Variants in KLRF1 observed in about 807,000 individuals in gnomAD.
KLRF1 encodes the protein killer cell lectin like receptor F1.
A neutral mutation model predicts 30.7 loss-of-function variants in KLRF1; 27 were observed. That is an observed-to-expected ratio of 0.88 (90% CI 0.65 to 1.21). KLRF1 has a LOEUF of 1.21. Among genes scored for constraint, KLRF1 ranks in the 50% most tolerant of loss-of-function variants. The pLI is 0.00. For missense variants in KLRF1, 246 were observed against 259.3 expected (o/e 0.95, Z 0.35); for synonymous variants, 92 against 89.3 (o/e 1.03, Z -0.17).
At chr12:9,838,804 C>A (rs1425443493) in intron 3 of KLRF1, among the ~76,000 whole-genome samples, 1 of 152,110 alleles carries the variant, frequency 6.6e-6, no homozygotes, top group Non-Finnish European at 1.5e-5. Context: ...TGGATAATTG[C>A]TTTAATGAAT....
At chr12:9,843,160 G>A (rs1392061049) in intron 5 of KLRF1, among the ~76,000 whole-genome samples, 1 of 152,152 alleles carries the variant, frequency 6.6e-6, no homozygotes, top group Non-Finnish European at 1.5e-5. Flanking sequence ...CAGAATTAGA[G>A]TCATATTGGG....
chr12:9,839,205 G>A (rs1357775145), intron 3 of KLRF1, among the ~76,000 whole-genome samples: 1 of 152,068 alleles, frequency 6.6e-6, no homozygotes. Flanking sequence ...CTCTGTTGCA[G>A]ACTGCCAGCT....
upstream of KLRF1, among the ~76,000 whole-genome samples, chr12:9,825,080 A>T (rs1294836554): frequency 1.3e-5 from 2 of 152,160 alleles, no homozygotes; most frequent in Non-Finnish European, 2.9e-5. Flanking sequence ...TTCCTATCAT[A>T]CTACCAATGA....
chr12:9,844,269 A>G, intron 5 of KLRF1, 149 bp from the exon 6 acceptor site: 2 of 512,660 alleles, frequency 3.9e-6, no homozygotes, highest in South Asian at 4.5e-5. Context: ...GCTAAGTTAC[A>G]GTTACTGTAA....
chr12:9,819,519 A>G, the KLRF1 span, among the ~76,000 whole-genome samples: 2 of 152,190 alleles, frequency 1.3e-5, no homozygotes, highest in Admixed American at 6.5e-5. Context: ...CAGCTGCTCT[A>G]CAGGGAGGCT....
At chr12:9,842,532 C>A in intron 5 of KLRF1, 99 bp downstream of exon 5, 2 of 992,024 alleles carry the variant, frequency 2.0e-6, no homozygotes, top group East Asian at 2.6e-5. Context: ...ACTGGTACTA[C>A]AGAATTCAAA....
At chr12:9,803,616 T>G in the KLRF1 span, among the ~76,000 whole-genome samples, 2 of 152,062 alleles carry the variant, frequency 1.3e-5, no homozygotes, top group Non-Finnish European at 2.9e-5. Flanking sequence ...ACAAATTCTG[T>G]CTGTTTTTAT....
At chr12:9,843,611 C>T (rs1337925589) in intron 5 of KLRF1, among the ~76,000 whole-genome samples, 1 of 152,022 alleles carries the variant, frequency 6.6e-6, no homozygotes, top group East Asian at 1.9e-4. Context: ...ATGAAGTTGC[C>T]CAACTTGGTT....
intron 1 of KLRF1, among the ~76,000 whole-genome samples, chr12:9,830,288 G>A (rs746969528): frequency 6.6e-6 from 1 of 151,874 alleles, no homozygotes; most frequent in East Asian, 1.9e-4. Context: ...ACTATTTTTT[G>A]TTTCTGGAAT....
rs183879401 is a variant in KLRF1, at chr12:9,837,840, C to T, written c.335-3972C>T. 4.6e-5 allele frequency among the ~76,000 whole-genome samples: 7 copies of T among 152,160 alleles called. No individual in the cohort carries two copies. In the East Asian group the frequency reaches 1.3e-3, roughly 29 times the overall value. ...AACTCATGAAAAACAAACTCAGTTA[C>T]ATGTTGTCTGCTAATTCTACAAATA... On this transcript the variant is annotated intron_variant, in intron 3 of 5. Coordinates refer to ENST00000617889, the MANE Select transcript of KLRF1 (RefSeq NM_016523.3).
intron 2 of KLRF1, 64 bp downstream of exon 2, chr12:9,832,478 T>C: frequency 1.1e-6 from 1 of 924,266 alleles, no homozygotes; most frequent in Non-Finnish European, 1.7e-6. Flanking sequence ...CTTATAAATC[T>C]TTTTATAATT....
At chr12:9,801,351 G>A in the KLRF1 span, among the ~76,000 whole-genome samples, 3 of 151,932 alleles carry the variant, frequency 2.0e-5, no homozygotes, top group African/African-American at 7.3e-5. Flanking sequence ...ATGCTCCTTT[G>A]GGTATATACC....
At chr12:9,842,684 G>A (rs1187580809) in intron 5 of KLRF1, among the ~76,000 whole-genome samples, 2 of 152,044 alleles carry the variant, frequency 1.3e-5, no homozygotes, top group East Asian at 1.9e-4. Flanking sequence ...AATGAATGCA[G>A]TCTCTTATTT....
the KLRF1 span, among the ~76,000 whole-genome samples, chr12:9,808,136 C>T: frequency 6.6e-6 from 1 of 151,898 alleles, no homozygotes; most frequent in Admixed American, 6.6e-5. Context: ...AACTTGCCTA[C>T]AGCTCAGTGA....
chr12:9,813,454 G>A, the KLRF1 span, among the ~76,000 whole-genome samples: 2 of 151,898 alleles, frequency 1.3e-5, no homozygotes, highest in African/African-American at 2.4e-5. Flanking sequence ...ACAAGCGCAG[G>A]CCCCCACGCC....
chr12:9,823,716 A>C (rs927765505), upstream of KLRF1, among the ~76,000 whole-genome samples: 2 of 151,720 alleles, frequency 1.3e-5, no homozygotes, highest in African/African-American at 4.8e-5. Flanking sequence ...TTTTTTGGAA[A>C]AAAAAAAAAG....
chr12:9,834,138 G>A (rs1255240714), intron 3 of KLRF1, among the ~76,000 whole-genome samples: 2 of 151,798 alleles, frequency 1.3e-5, no homozygotes, highest in African/African-American at 4.8e-5. Context: ...GCCAGGAGAA[G>A]GACTTTCACA....
the KLRF1 span, among the ~76,000 whole-genome samples, chr12:9,802,543 A>T: frequency 6.6e-6 from 1 of 152,124 alleles, no homozygotes; most frequent in Non-Finnish European, 1.5e-5. Context: ...GAGGAAATAA[A>T]ATTGTCTCTG....
intron 3 of KLRF1, among the ~76,000 whole-genome samples, chr12:9,838,316 C>T (rs1001982098): frequency 1.3e-5 from 2 of 152,066 alleles, no homozygotes; most frequent in Admixed American, 1.3e-4. Flanking sequence ...CCTCTTATTC[C>T]AGGAAGCACT....
Sources: gnomAD v4.1 joint callset for allele counts (sites outside exome capture counted in the v4.1 genomes callset) on GRCh38, gnomAD v4.1.1 for gene constraint, MANE v1.5 for transcripts, NCBI Gene and HGNC (gene_info 2026-07-23, HGNC 2026-07-21) for gene names.